Variants in ATG7 observed in about 807,000 individuals in gnomAD.
ATG7 encodes ubiquitin-like modifier-activating enzyme ATG7.
Under a neutral mutation model 82.4 loss-of-function variants are expected in ATG7, and 70 were observed. The observed-to-expected ratio is 0.85, with a 90% CI of 0.70 to 1.04. ATG7 has a LOEUF of 1.04. Among genes scored for constraint, ATG7 ranks in the 50% least tolerant of loss-of-function variants. The pLI is 0.00. For synonymous variants in ATG7, 287 were observed against 313.0 expected (o/e 0.92, Z 0.88); for missense variants, 792 against 864.3 (o/e 0.92, Z 1.05).
intron 19 of ATG7, among the ~76,000 whole-genome samples, chr3:11,388,197 G>A (rs1575958942): frequency 6.6e-6 from 1 of 152,198 alleles, no homozygotes; most frequent in African/African-American, 2.4e-5. Context: ...TTCCTCAACT[G>A]TAGTAAAGGG....
At chr3:11,448,478 G>A (rs1398003796) in intron 20 of ATG7, among the ~76,000 whole-genome samples, 1 of 152,192 alleles carries the variant, frequency 6.6e-6, no homozygotes, top group East Asian at 1.9e-4. Flanking sequence ...TTCAGGACAT[G>A]TGCCTTTAGT....
chr3:11,403,325 C>G (rs1576129305), intron 19 of ATG7, among the ~76,000 whole-genome samples: 1 of 146,824 alleles, frequency 6.8e-6, no homozygotes, highest in Non-Finnish European at 1.5e-5. Flanking sequence ...ATAGATGTTT[C>G]AAGGGTTTTC....
rs1023757328 is a variant in ATG7, at chr3:11,552,293, A to G, written c.2080-2518A>G. On this transcript the variant is annotated intron_variant, in intron 20 of 20. Transcript: ENST00000693202. ...CATATTGCCAAATCTTTTAAAAAAT[A>G]TGGTACCAATTTATACTTCTCTTGT... Among the ~76,000 whole-genome samples the G allele has an allele frequency of 1.3e-5, 2 of 152,312 alleles. 1 individual carries two copies. The highest frequency in any genetic ancestry group is 3.9e-4 in the East Asian group (2 of 5,184).
At chr3:11,358,753 G>A (rs2076095717) in intron 15 of ATG7, 141 bp downstream of exon 15, 16 of 843,732 alleles carry the variant, frequency 1.9e-5, no homozygotes, top group Non-Finnish European at 2.9e-5. Flanking sequence ...TTCTGCTTCA[G>A]ACTCTGTCTT....
chr3:11,367,488 A>G (rs2076705107), intron 18 of ATG7, among the ~76,000 whole-genome samples: 4 of 152,062 alleles, frequency 2.6e-5, no homozygotes, highest in Non-Finnish European at 5.9e-5. Flanking sequence ...CCCACCAGCA[A>G]CTCATTGTGT....
intron 18 of ATG7, 132 bp from the exon 19 acceptor site, chr3:11,379,840 A>G (rs1402005499): frequency 1.2e-6 from 1 of 830,122 alleles, no homozygotes; most frequent in Non-Finnish European, 2.0e-6. Context: ...TTTCGAACTT[A>G]TTTTTGCTCA....
intron 20 of ATG7, among the ~76,000 whole-genome samples, chr3:11,531,097 G>T (rs987469608): frequency 1.3e-5 from 2 of 152,216 alleles, no homozygotes; most frequent in Admixed American, 6.5e-5. Context: ...CTCTCTGGCT[G>T]GTTGGCAGGG....
chr3:11,420,727 A>C (rs973494362), intron 19 of ATG7, among the ~76,000 whole-genome samples: 1 of 151,240 alleles, frequency 6.6e-6, no homozygotes, highest in Admixed American at 6.6e-5. Context: ...CTAAAAATAC[A>C]TGCATACCTT....
At chr3:11,373,202 C>T (rs2077158885) in intron 18 of ATG7, among the ~76,000 whole-genome samples, 1 of 140,892 alleles carries the variant, frequency 7.1e-6, no homozygotes. Context: ...TTACTTTCAG[C>T]AAGAGGCTTT....
At chr3:11,558,626 C>G, downstream of ATG7, 2 of 1,608,758 alleles carry the variant, frequency 1.2e-6, no homozygotes, top group Non-Finnish European at 1.7e-6. Flanking sequence ...CTGGCCCCTG[C>G]GAGAGGCGGA....
chr3:11,549,624 T>C (rs1367702337), intron 20 of ATG7, among the ~76,000 whole-genome samples: 1 of 152,218 alleles, frequency 6.6e-6, no homozygotes, highest in Non-Finnish European at 1.5e-5. Context: ...TACACCACAA[T>C]TTCTCTGCTT....
intron 20 of ATG7, among the ~76,000 whole-genome samples, chr3:11,483,162 C>G (rs1379192042): frequency 6.6e-6 from 1 of 152,122 alleles, no homozygotes; most frequent in African/African-American, 2.4e-5. Flanking sequence ...TTGCCCCTCA[C>G]ATTTTAATAA....
Position 11,380,148 on chromosome 3 carries a change from G to T in ATG7, c.1956+96G>T, listed in dbSNP as rs990726385. 4 of 1,187,584 alleles carry T rather than the reference G, an allele frequency of 3.4e-6. No individual in the cohort carries two copies. In the East Asian group the frequency reaches 9.4e-5, roughly 28 times the overall value. 73.6% of individuals were successfully genotyped at this position (1,187,584 alleles called of 1,614,324 possible). A position where few individuals can be genotyped will look rare whatever the true frequency, so the allele number is the denominator to read the frequency against. Reference sequence around the variant, plus strand: ...AGCTGGAGCCCTTGAAACCAACTAAGGGCTTTTTGTGGGGGAAGGGTGGGG... The same window carrying T: ...AGCTGGAGCCCTTGAAACCAACTAATGGCTTTTTGTGGGGGAAGGGTGGGG... On this transcript the variant is annotated intron_variant, in intron 19 of 20. Transcript: ENST00000693202.
rs2072283245 is a variant in ATG7, at chr3:11,555,152, C to T, written c.*309C>T. On this transcript the variant is annotated 3_prime_UTR_variant, in exon 21 of 21. Transcript: ENST00000693202. ...TAGCCATCCCCCAGGATCCTTTCCC[C>T]TTGGCCCTGAGGGGGTGACCCAACA... 1 of 408,050 alleles carries T rather than the reference C, an allele frequency of 2.5e-6. No homozygotes were observed. The highest frequency in any genetic ancestry group is 3.9e-5 in the South Asian group (1 of 25,660). 25.3% of individuals were successfully genotyped at this position (408,050 alleles called of 1,614,324 possible).
At chr3:11,432,038 T>C (rs1280726732) in intron 20 of ATG7, among the ~76,000 whole-genome samples, 1 of 152,164 alleles carries the variant, frequency 6.6e-6, no homozygotes, top group Non-Finnish European at 1.5e-5. Flanking sequence ...GCTGTTGAGA[T>C]TAGCAGGCAA....
chr3:11,294,942 ATC>A (rs1330412848), intron 3 of ATG7, among the ~76,000 whole-genome samples: 3 of 152,130 alleles, frequency 2.0e-5, no homozygotes, highest in Non-Finnish European at 2.9e-5. Context: ...GTGAAACCAC[ATC>A]TCTCCTAAAA....
intron 20 of ATG7, among the ~76,000 whole-genome samples, chr3:11,537,000 C>T (rs977197844): frequency 2.6e-5 from 4 of 152,094 alleles, no homozygotes; most frequent in South Asian, 2.1e-4. Context: ...GCTTCCTGCC[C>T]GAGTTCTGCA....
chr3:11,564,620 G>T, the ATG7 span: 1 of 747,620 alleles, frequency 1.3e-6, no homozygotes, highest in Non-Finnish European at 2.1e-6. Flanking sequence ...CTCCTGTTCT[G>T]CTGTCCCTTG....
chr3:11,573,349 A>G, the ATG7 span, among the ~76,000 whole-genome samples: 138 of 100,558 alleles, frequency 1.4e-3, no homozygotes, highest in African/African-American at 3.3e-3. Flanking sequence ...GAAAGAAAGA[A>G]AGAAAGAAAG....
Sources: gnomAD v4.1 joint callset for allele counts (sites outside exome capture counted in the v4.1 genomes callset) on GRCh38, gnomAD v4.1.1 for gene constraint, MANE v1.5 for transcripts, NCBI Gene and HGNC (gene_info 2026-07-23, HGNC 2026-07-21) for gene names.